The following BRD1 variants were observed in gnomAD, a reference collection of about 807,000 sequenced individuals.
The protein encoded by BRD1 is bromodomain-containing protein 1.
Under a neutral mutation model 107.7 loss-of-function variants are expected in BRD1, and 24 were observed. The ratio of observed to expected loss-of-function variants is 0.22; its 90% CI spans 0.16 to 0.31. The LOEUF (loss-of-function observed/expected upper bound fraction) is 0.31. BRD1 is among the 10% of genes least tolerant of loss of function. The pLI is 1.00. For synonymous variants in BRD1, 744 were observed against 686.1 expected (o/e 1.08, Z -1.32); for missense variants, 1,279 against 1,638.6 (o/e 0.78, Z 3.79).
chr22:49,803,551 C>A lies in BRD1; in HGVS notation c.1524+653G>T, dbSNP rs1464041518. On this transcript the variant is annotated intron_variant, in intron 3 of 12. Coordinates refer to ENST00000404760, the MANE Select transcript of BRD1 (RefSeq NM_001304808.3). The surrounding 1 kb of genome is among the most constrained non-coding windows in gnomAD (Gnocchi z 4.4). ...CAGAAGCTACTTCACTCTGTAAACC[C>A]ATTTTTTCAGAACTGTTTCACAGTA... Among the ~76,000 whole-genome samples, 2 of 152,178 alleles carry A rather than the reference C, an allele frequency of 1.3e-5. No individual in the cohort carries two copies. The highest frequency in any genetic ancestry group is 2.9e-5 in the Non-Finnish European group (2 of 68,030).
rs2059038696 is a variant in BRD1 at position 49,774,316 on chromosome 22, C to T, written c.3487G>A (p.Val1163Met). The T allele has an allele frequency of 2.5e-6, 4 of 1,614,222 alleles. No homozygotes were observed. The highest frequency in any genetic ancestry group is 3.4e-6 in the Non-Finnish European group (4 of 1,180,042). ...ATGGCGCGGTCAAAAGCGATCCGCA[C>T]GGCCTTCCGGATGCTGGAATTCCTC... ...EGRNSSIRKA[V>M]RIAFDRAMNH... The change falls in exon 13 of 13, where the codon GTG becomes ATG. Residue 1163 changes from valine to methionine, a missense_variant. Val to Met is a conservative substitution (Grantham distance 21, BLOSUM62 1). Around this residue, in one of 7 missense-constraint regions of BRD1, gnomAD observed 136 missense variants for 196.8 expected, o/e 0.69. Coordinates refer to ENST00000404760, the MANE Select transcript of BRD1 (RefSeq NM_001304808.3).
Position 49,777,298 on chromosome 22 carries a change from G to C in BRD1, c.2994-137C>G, listed in dbSNP as rs114617569. The C allele has an allele frequency of 1.2e-3, 1,587 of 1,367,230 alleles. 13 individuals carry two copies. The African/African-American group carries it at 0.02, about 17-fold the overall frequency. 84.7% of individuals were successfully genotyped at this position (1,367,230 alleles called of 1,614,324 possible). ...ACCCCCGCGGCCAGACGGGCCTGTG[G>C]GTGCGCAGGTCTGGAGGGAGTGAAC... On this transcript the variant is annotated intron_variant, in intron 9 of 12. Coordinates refer to ENST00000404760, the MANE Select transcript of BRD1 (RefSeq NM_001304808.3).
intron 6 of BRD1, 69 bp from the exon 7 acceptor site, chr22:49,794,363 C>A: frequency 6.5e-7 from 1 of 1,533,076 alleles, no homozygotes. Context: ...TCACCGGTCC[C>A]GTCTTTCAAA....
intron 11 of BRD1, 113 bp from the exon 12 acceptor site, chr22:49,775,858 A>ATCCCCCCCGC: frequency 1.0e-6 from 1 of 996,932 alleles, no homozygotes; most frequent in South Asian, 2.2e-5. Flanking sequence ...GCCTCCTCAG[A>ATCCCCCCCGC]CCACCCCCAC....
chr22:49,808,334 A>C (rs988501353), intron 2 of BRD1, among the ~76,000 whole-genome samples: 1 of 152,270 alleles, frequency 6.6e-6, no homozygotes, highest in South Asian at 2.1e-4. Context: ...ACAGAGGGTT[A>C]TTCAGCCTTA....
rs2059262330 is a variant in BRD1 at position 49,783,743 on chromosome 22, G to T, written c.2857+3647C>A. Among the ~76,000 whole-genome samples, 1 of 152,176 alleles carries T rather than the reference G, an allele frequency of 6.6e-6. No individual in the cohort carries two copies. The highest frequency in any genetic ancestry group is 6.5e-5 in the Admixed American group (1 of 15,284). On this transcript the variant is annotated intron_variant, in intron 8 of 12. Transcript: ENST00000404760. This position sits in a 1 kb window ranked among gnomAD's most constrained non-coding sequence, Gnocchi z 4.2. ...CTGCCGGGCTCTGACTTACAGAGGGGGTGGGCTGGGGTGGGGGAGAGCTCC... is the reference window on the plus strand; with the variant it reads ...CTGCCGGGCTCTGACTTACAGAGGGTGTGGGCTGGGGTGGGGGAGAGCTCC...
rs1019261689 is a variant in BRD1, at chr22:49,787,708, C to A, written c.2539G>T (p.Val847Leu). 5.2e-6 allele frequency: 8 copies of A among 1,550,662 alleles called. No homozygotes were observed. Among genetic ancestry groups the A allele is most frequent in the Non-Finnish European group, 7.0e-6 (8 of 1,147,042 alleles). The change falls in exon 8 of 13, where the codon GTA becomes TTA. Residue 847 changes from valine (V) to leucine (L), a missense_variant. Val to Leu is a conservative substitution (Grantham distance 32, BLOSUM62 1). This residue lies in a region of BRD1 where 406 missense variants were observed against 519.4 expected (regional missense o/e 0.78). Transcript: ENST00000404760. The part of the protein sequence containing the change: ...SHSACTQSAL[V>L]SGRPPEPTRA... ...GTGGGCTCTGGAGGGCGTCCGCTTA[C>A]CAGTGCGCTCTGAGTGCAAGCGCTA...
chr22:49,775,928 C>G (rs1473516356), intron 11 of BRD1, 122 bp downstream of exon 11: 4 of 1,215,772 alleles, frequency 3.3e-6, no homozygotes, highest in Non-Finnish European at 3.5e-6. Context: ...CTGACCAACC[C>G]CGCCCCCCCG....
In BRD1 at chr22:49,792,996, G is replaced by C. The variant is rs1410379489; in HGVS notation, c.2359+1038C>G. ...AGAGATGAACGTCTTTGTTTTAAAA[G>C]AAAATTGTACAACAATTCTGTGTCT... is the stretch of plus-strand genomic sequence containing the variant. On this transcript the variant is annotated intron_variant, in intron 7 of 12. Transcript: ENST00000404760. The surrounding 1 kb of genome is among the most constrained non-coding windows in gnomAD (Gnocchi z 4.2). Among the ~76,000 whole-genome samples, 1 of 152,182 alleles carries C rather than the reference G, an allele frequency of 6.6e-6. No homozygotes were observed. Among genetic ancestry groups the C allele is most frequent in the African/African-American group, 2.4e-5 (1 of 41,440 alleles).
At chr22:49,789,883 G>C (rs2059400035) in intron 7 of BRD1, among the ~76,000 whole-genome samples, 1 of 152,114 alleles carries the variant, frequency 6.6e-6, no homozygotes, top group South Asian at 2.1e-4. Flanking sequence ...GCCCAGCTAG[G>C]ATGCCCCATG....
rs143682234 is a variant in BRD1 at position 49,789,602 on chromosome 22, G to C, written c.2360-1715C>G. On this transcript the variant is annotated intron_variant, in intron 7 of 12. Transcript: ENST00000404760. Reference sequence around the variant, plus strand: ...GGTCAACCCCAGTCTTGGCCTCTATGGGTGCAACAGCACCCGGCCAGCAGA... The same window carrying C: ...GGTCAACCCCAGTCTTGGCCTCTATCGGTGCAACAGCACCCGGCCAGCAGA... Among the ~76,000 whole-genome samples, 714 of 151,190 alleles carry C rather than the reference G, an allele frequency of 4.7e-3. 7 individuals are homozygous for C. Among genetic ancestry groups the C allele is most frequent in the African/African-American group, 0.016 (673 of 41,222 alleles).
At chr22:49,788,664 C>T (rs896114546) in intron 7 of BRD1, among the ~76,000 whole-genome samples, 8 of 152,172 alleles carry the variant, frequency 5.3e-5, no homozygotes, top group Non-Finnish European at 1.0e-4. Context: ...TGCACTGTCC[C>T]GAGTCCAGGG....
At chr22:49,794,359 G>T in intron 6 of BRD1, 65 bp from the exon 7 acceptor site, 1 of 1,536,592 alleles carries the variant, frequency 6.5e-7, no homozygotes, top group Non-Finnish European at 8.7e-7. Flanking sequence ...CACATCACCG[G>T]TCCCGTCTTT....
intron 4 of BRD1, 21 bp from the exon 5 acceptor site, chr22:49,798,707 C>T (rs2059583548): frequency 1.3e-6 from 2 of 1,576,264 alleles, no homozygotes; most frequent in Non-Finnish European, 1.7e-6. Flanking sequence ...CCAGCAGAGC[C>T]TCAGCTTTAG....
At chr22:49,809,044 G>A (rs9628138) in intron 2 of BRD1, among the ~76,000 whole-genome samples, 2,158 of 151,520 alleles carry the variant, frequency 0.014, 51 homozygotes, top group African/African-American at 0.05. Context: ...GCTTGAACCC[G>A]GGAGGAAGAC....
intron 2 of BRD1, chr22:49,817,691 C>A (rs1015379020): frequency 4.5e-6 from 1 of 223,782 alleles, no homozygotes. Flanking sequence ...TAAAAGATTT[C>A]TTGGAAGAAT....
Position 49,824,516 on chromosome 22 carries a change from C to G in BRD1, c.-14-185G>C. 1.4e-6 allele frequency: 2 copies of G among 1,415,966 alleles called. No homozygotes were observed. Among genetic ancestry groups the G allele is most frequent in the Non-Finnish European group, 1.8e-6 (2 of 1,089,460 alleles). The allele number at this position is 1,415,966 out of a possible 1,614,324, so 87.7% of individuals were successfully genotyped here. ...CCAGGCCTGAGCGAGTCCCCAGGAC[C>G]AGGGAGGGAGCAGCAGTAACAGGCA... On this transcript the variant is annotated intron_variant, in intron 1 of 12. Coordinates refer to ENST00000404760, the MANE Select transcript of BRD1 (RefSeq NM_001304808.3). This position sits in a 1 kb window ranked among gnomAD's most constrained non-coding sequence, Gnocchi z 5.9.
chr22:49,796,480 C>T (rs1230158999), intron 6 of BRD1, among the ~76,000 whole-genome samples: 7 of 152,118 alleles, frequency 4.6e-5, no homozygotes, highest in East Asian at 1.9e-4. Context: ...CCTCAGCCTC[C>T]GAAATAGCTG....
chr22:49,814,603 G>C (rs2059915484), intron 2 of BRD1, among the ~76,000 whole-genome samples: 1 of 152,228 alleles, frequency 6.6e-6, no homozygotes, highest in Non-Finnish European at 1.5e-5. Context: ...TAGAGCACCT[G>C]GGTAGTCCCT....
Sources: gnomAD v4.1 joint callset for allele counts (sites outside exome capture counted in the v4.1 genomes callset) on GRCh38, gnomAD v4.1.1 for gene constraint, gnomAD v4.1.1 regional missense constraint, Gnocchi (gnomAD v3.1) non-coding constraint, MANE v1.5 for transcripts, NCBI Gene and HGNC (gene_info 2026-07-23, HGNC 2026-07-21) for gene names.